Variants in ADORA2B observed in about 807,000 individuals in gnomAD.
The protein encoded by ADORA2B is adenosine receptor A2b.
ADORA2B carries 18 observed loss-of-function variants against 20.8 expected under a neutral mutation model. That is an observed-to-expected ratio of 0.87 (90% CI 0.60 to 1.29). ADORA2B has a LOEUF of 1.29. Ranked by LOEUF, ADORA2B falls within the 50% of genes most tolerant of loss-of-function variation. The probability of loss-of-function intolerance (pLI) is 0.00; values close to 1 mark genes in which losing one functional copy is unlikely to be tolerated. For missense variants in ADORA2B, 441 were observed against 422.7 expected (o/e 1.04, Z -0.38); for synonymous variants, 179 against 178.3 (o/e 1.00, Z -0.03).
At chr17:15,884,935 C>A in the ADORA2B span, among the ~76,000 whole-genome samples, 1 of 152,258 alleles carries the variant, frequency 6.6e-6, no homozygotes, top group South Asian at 2.1e-4. Context: ...GGTATATGCC[C>A]AGAAATGAGA....
intron 1 of ADORA2B, among the ~76,000 whole-genome samples, chr17:15,971,884 C>T (rs758480557): frequency 3.9e-5 from 6 of 152,228 alleles, no homozygotes; most frequent in Non-Finnish European, 5.9e-5. Flanking sequence ...CCGCCTGCCT[C>T]GGCCTCCTGA....
At chr17:15,921,940 T>C in the ADORA2B span, among the ~76,000 whole-genome samples, 2 of 152,208 alleles carry the variant, frequency 1.3e-5, no homozygotes, top group Non-Finnish European at 2.9e-5. Flanking sequence ...TATATTTCAT[T>C]AGTCCCATGG....
chr17:15,923,838 T>C, the ADORA2B span, among the ~76,000 whole-genome samples: 2 of 152,306 alleles, frequency 1.3e-5, no homozygotes, highest in Admixed American at 1.3e-4. Context: ...CTTATGATGA[T>C]TTGTTTTTGC....
the ADORA2B span, among the ~76,000 whole-genome samples, chr17:15,924,221 G>A: frequency 1.3e-5 from 2 of 152,154 alleles, no homozygotes; most frequent in Non-Finnish European, 1.5e-5. Context: ...CCCTTTTGAG[G>A]CTTTGGATAA....
the ADORA2B span, among the ~76,000 whole-genome samples, chr17:15,857,038 T>C: frequency 1.3e-5 from 2 of 152,318 alleles, no homozygotes; most frequent in Non-Finnish European, 2.9e-5. Context: ...AAAAATGGTT[T>C]TGTGGCCTGG....
the ADORA2B span, among the ~76,000 whole-genome samples, chr17:15,851,527 CTGCCACAGAACAGCAAA>C: frequency 6.6e-6 from 1 of 152,270 alleles, no homozygotes; most frequent in Admixed American, 6.5e-5. Context: ...CTCCACTTCC[CTGCCACAGAACAGCAAA>C]TGCCTTCCCA....
chr17:15,856,335 C>G, the ADORA2B span, among the ~76,000 whole-genome samples: 23 of 151,998 alleles, frequency 1.5e-4, no homozygotes, highest in Non-Finnish European at 2.9e-4. Context: ...TGTAAGTCTC[C>G]TAAAGCCTCC....
the ADORA2B span, among the ~76,000 whole-genome samples, chr17:15,913,713 T>TA: frequency 6.6e-6 from 1 of 152,182 alleles, no homozygotes; most frequent in African/African-American, 2.4e-5. Flanking sequence ...AAATATGCTA[T>TA]AAAAAAATTT....
the ADORA2B span, among the ~76,000 whole-genome samples, chr17:15,853,560 T>C: frequency 1.3e-5 from 2 of 152,192 alleles, no homozygotes; most frequent in African/African-American, 4.8e-5. Flanking sequence ...ACTCTATAAA[T>C]TAGAAAATGT....
At chr17:15,917,481 C>T in the ADORA2B span, among the ~76,000 whole-genome samples, 1 of 152,356 alleles carries the variant, frequency 6.6e-6, no homozygotes, top group East Asian at 1.9e-4. Flanking sequence ...CCTGGGACCG[C>T]GCCCCTGCAC....
At chr17:15,948,114 G>C (rs1326920540) in intron 1 of ADORA2B, among the ~76,000 whole-genome samples, 2 of 152,102 alleles carry the variant, frequency 1.3e-5, no homozygotes, top group Non-Finnish European at 2.9e-5. Flanking sequence ...TAAAGGCTTA[G>C]GCTAGGACAG....
At chr17:15,851,192 C>T in the ADORA2B span, among the ~76,000 whole-genome samples, 1 of 150,078 alleles carries the variant, frequency 6.7e-6, no homozygotes, top group South Asian at 2.1e-4. Flanking sequence ...GATTCATTTG[C>T]AAATATGAGA....
At chr17:15,926,778 A>C in the ADORA2B span, among the ~76,000 whole-genome samples, 2 of 152,006 alleles carry the variant, frequency 1.3e-5, no homozygotes, top group African/African-American at 2.4e-5. Flanking sequence ...AGACCAGCCT[A>C]GGCAAGATAG....
chr17:15,882,686 T>C, the ADORA2B span, among the ~76,000 whole-genome samples: 5 of 152,192 alleles, frequency 3.3e-5, no homozygotes, highest in African/African-American at 1.2e-4. Flanking sequence ...CTTTTTTCCA[T>C]ATAAATAGAA....
chr17:15,900,654 T>G, the ADORA2B span, among the ~76,000 whole-genome samples: 1 of 152,050 alleles, frequency 6.6e-6, no homozygotes, highest in African/African-American at 2.4e-5. Flanking sequence ...CTCAACATGT[T>G]GCCTAGGCTG....
At chr17:15,925,236 A>G in the ADORA2B span, among the ~76,000 whole-genome samples, 3 of 151,954 alleles carry the variant, frequency 2.0e-5, no homozygotes, top group African/African-American at 4.8e-5. Flanking sequence ...GGGTTTTACC[A>G]TGTTAGCCAG....
chr17:15,945,974 G>A (rs1334165454), intron 1 of ADORA2B, among the ~76,000 whole-genome samples: 1 of 152,160 alleles, frequency 6.6e-6, no homozygotes, highest in Non-Finnish European at 1.5e-5. Flanking sequence ...TGCCACGAAG[G>A]CCGTTCCTAA....
the ADORA2B span, among the ~76,000 whole-genome samples, chr17:15,928,260 G>T: frequency 6.6e-6 from 1 of 152,136 alleles, no homozygotes; most frequent in South Asian, 2.1e-4. Flanking sequence ...GGCAGATCTC[G>T]CTTGGGAGGA....
At chr17:15,886,886 A>G in the ADORA2B span, among the ~76,000 whole-genome samples, 2 of 129,740 alleles carry the variant, frequency 1.5e-5, no homozygotes, top group South Asian at 4.6e-4. Flanking sequence ...GCCTGCCTTC[A>G]GGCGCTGTGC....
Sources: allele counts gnomAD v4.1 joint callset (sites outside exome capture counted in the v4.1 genomes callset), GRCh38; gene constraint gnomAD v4.1.1; transcripts MANE v1.5; gene names NCBI Gene and HGNC (gene_info 2026-07-23, HGNC 2026-07-21).